SLC39A11: variants seen among roughly 807,000 people sequenced by gnomAD.
The protein encoded by SLC39A11 is solute carrier family 39 member 11, also known as zinc transporter ZIP11.
In SLC39A11, 33 loss-of-function variants were observed where a neutral mutation model predicts 36.1. That is an observed-to-expected ratio of 0.91 (90% confidence interval 0.69 to 1.22). The LOEUF (loss-of-function observed/expected upper bound fraction) is 1.22, where lower values mean the gene tolerates loss of function less well. Among genes scored for constraint, SLC39A11 ranks in the 50% most tolerant of loss-of-function variants. The pLI is 0.00. For synonymous variants in SLC39A11, 166 were observed against 170.3 expected (o/e 0.97, Z 0.20); for missense variants, 432 against 430.3 (o/e 1.00, Z -0.03).
chr17:72,791,905 G>A (rs957400047), intron 6 of SLC39A11, among the ~76,000 whole-genome samples: 1 of 152,206 alleles, frequency 6.6e-6, no homozygotes, highest in African/African-American at 2.4e-5. Flanking sequence ...GCAGATCTGT[G>A]AGTCAGTTAA....
intron 7 of SLC39A11, among the ~76,000 whole-genome samples, chr17:72,697,761 T>TG (rs2072379987): frequency 7.9e-6 from 1 of 126,380 alleles, no homozygotes; most frequent in African/African-American, 2.9e-5. Context: ...CCGACCCTCA[T>TG]GATCCTAGGG....
At chr17:72,677,609 G>C (rs567872072) in intron 7 of SLC39A11, among the ~76,000 whole-genome samples, 1 of 152,186 alleles carries the variant, frequency 6.6e-6, no homozygotes, top group Non-Finnish European at 1.5e-5. Flanking sequence ...GGTTCACCAA[G>C]AGCAGTGGTT....
intron 3 of SLC39A11, among the ~76,000 whole-genome samples, chr17:73,079,106 T>C (rs2060428741): frequency 6.6e-6 from 1 of 152,110 alleles, no homozygotes; most frequent in Non-Finnish European, 1.5e-5. Context: ...TTTTGTTTGT[T>C]TGTTTTTGAT....
chr17:73,006,161 C>T (rs964982963), intron 4 of SLC39A11, among the ~76,000 whole-genome samples: 7 of 152,020 alleles, frequency 4.6e-5, no homozygotes, highest in African/African-American at 1.7e-4. Context: ...ATAAGGGTGG[C>T]GTCCATGAGA....
chr17:72,831,398 C>T (rs565390220), intron 6 of SLC39A11, among the ~76,000 whole-genome samples: 29 of 152,168 alleles, frequency 1.9e-4, no homozygotes, highest in Non-Finnish European at 3.5e-4. Context: ...TATCTGGTAC[C>T]TTTATTTCTC....
chr17:72,907,979 AG>A (rs2082751045), intron 5 of SLC39A11, among the ~76,000 whole-genome samples: 1 of 152,224 alleles, frequency 6.6e-6, no homozygotes, highest in Admixed American at 6.5e-5. Flanking sequence ...AGGAGAGGAC[AG>A]ATACATCACT....
intron 3 of SLC39A11, among the ~76,000 whole-genome samples, chr17:73,081,561 T>C (rs372259370): frequency 9.3e-5 from 14 of 151,022 alleles, no homozygotes; most frequent in Non-Finnish European, 1.8e-4. Flanking sequence ...TGCAAAAATA[T>C]GGAACCAGCC....
At chr17:72,999,829 C>CT (rs2089719106) in intron 4 of SLC39A11, among the ~76,000 whole-genome samples, 1 of 152,224 alleles carries the variant, frequency 6.6e-6, no homozygotes, top group South Asian at 2.1e-4. Context: ...CAACCTCTGC[C>CT]TCCCAAGTTC....
At chr17:72,962,378 T>C (rs900597972) in intron 4 of SLC39A11, among the ~76,000 whole-genome samples, 4 of 152,142 alleles carry the variant, frequency 2.6e-5, no homozygotes, top group African/African-American at 9.7e-5. Context: ...GGGGCTTTGA[T>C]CTCCTCTGAG....
At chr17:72,821,965 T>C (rs538612555) in intron 6 of SLC39A11, 2 of 151,488 alleles carry the variant, frequency 1.3e-5, no homozygotes, top group East Asian at 3.9e-4. Flanking sequence ...TGGTGTACAC[T>C]GAGGGTCCAA....
At chr17:72,902,916 TG>T (rs2082466630) in intron 5 of SLC39A11, among the ~76,000 whole-genome samples, 2 of 151,524 alleles carry the variant, frequency 1.3e-5, no homozygotes, top group African/African-American at 4.9e-5. Context: ...TTTTGTTTTT[TG>T]TTCTTCTTAG....
intron 7 of SLC39A11, among the ~76,000 whole-genome samples, chr17:72,714,114 G>C (rs1343354646): frequency 6.6e-6 from 1 of 152,212 alleles, no homozygotes; most frequent in African/African-American, 2.4e-5. Flanking sequence ...CCAGCACTTT[G>C]GGAGGCCGAG....
chr17:72,868,238 C>A (rs1383309856), intron 5 of SLC39A11, among the ~76,000 whole-genome samples: 1 of 151,960 alleles, frequency 6.6e-6, no homozygotes, highest in African/African-American at 2.4e-5. Flanking sequence ...CTAACTATTC[C>A]AGAGAATAAA....
chr17:72,812,414 T>G (rs1193287101), intron 6 of SLC39A11, among the ~76,000 whole-genome samples: 2 of 152,240 alleles, frequency 1.3e-5, no homozygotes, highest in Non-Finnish European at 2.9e-5. Context: ...AGTCTAGGGT[T>G]GGATACAATG....
chr17:73,011,666 G>GTT (rs55954659), intron 4 of SLC39A11, among the ~76,000 whole-genome samples: 4,071 of 143,398 alleles, frequency 0.028, 84 homozygotes, highest in East Asian at 0.045. Context: ...GGTTTTCTTG[G>GTT]TTTTTTTTTT....
intron 5 of SLC39A11, among the ~76,000 whole-genome samples, chr17:72,911,831 A>G (rs66661510): frequency 0.51 from 77,621 of 151,868 alleles, 19,822 homozygotes; most frequent in African/African-American, 0.53. Context: ...TTTAGTAGAG[A>G]TGGGGTTTCA....
chr17:72,973,405 T>A (rs978966717), intron 4 of SLC39A11, among the ~76,000 whole-genome samples: 5 of 151,686 alleles, frequency 3.3e-5, no homozygotes, highest in African/African-American at 1.2e-4. Flanking sequence ...GAAGGGCAAG[T>A]AGAAGATGAG....
At chr17:73,082,837 C>T (rs1253920910) in intron 3 of SLC39A11, among the ~76,000 whole-genome samples, 1 of 121,516 alleles carries the variant, frequency 8.2e-6, no homozygotes, top group African/African-American at 3.2e-5. Context: ...ACGGCAAAAC[C>T]CCATCTCTAC....
chr17:72,754,031 TATATATATATATATACACATACACAC>T (rs1296855668), intron 6 of SLC39A11, among the ~76,000 whole-genome samples: 2 of 116,048 alleles, frequency 1.7e-5, no homozygotes, highest in African/African-American at 7.4e-5. Context: ...TATATATATA[TATATATATATATATACACATACACAC>T]ACACACACAC....
Sources: allele counts gnomAD v4.1 joint callset (sites outside exome capture counted in the v4.1 genomes callset), GRCh38; gene constraint gnomAD v4.1.1; transcripts MANE v1.5; gene names NCBI Gene and HGNC (gene_info 2026-07-23, HGNC 2026-07-21).